ACADM: variants seen among roughly 807,000 people sequenced by gnomAD.
The protein encoded by ACADM is medium-chain specific acyl-CoA dehydrogenase, mitochondrial.
In ACADM, 49 loss-of-function variants were observed where a neutral mutation model predicts 58.9. That is an observed-to-expected ratio of 0.83 (90% confidence interval 0.66 to 1.06). The LOEUF (loss-of-function observed/expected upper bound fraction) is 1.06. Among genes scored for constraint, ACADM ranks in the 50% least tolerant of loss-of-function variants. The probability of loss-of-function intolerance (pLI) is 0.00; values close to 1 mark genes in which losing one functional copy is unlikely to be tolerated. For synonymous variants in ACADM, 160 were observed against 157.7 expected, an observed-to-expected ratio of 1.01 and a Z score of -0.11; for missense variants, 496 against 507.0, an observed-to-expected ratio of 0.98 and a Z score of 0.21.
chr1:75,761,429 C>T lies in ACADM; in HGVS notation c.1194+59C>T, dbSNP rs769054265. ...GAGAGAGAATATTCATAAATGACAA[C>T]GTGGATTTCTGATTATTTAGAAATT... On this transcript the variant is annotated intron_variant, in intron 11 of 11. Coordinates refer to ENST00000370841, the MANE Select transcript of ACADM (RefSeq NM_000016.6). 2.5e-4 allele frequency: 386 copies of T among 1,574,608 alleles called. 1 individual carries two copies. Among genetic ancestry groups the T allele is most frequent in the East Asian group, 6.9e-4 (31 of 44,650 alleles).
chr1:75,742,538 C>G (rs1647637912), intron 7 of ACADM, among the ~76,000 whole-genome samples: 1 of 152,168 alleles, frequency 6.6e-6, no homozygotes, highest in Non-Finnish European at 1.5e-5. Context: ...AGGAGACCTC[C>G]CTTCCCTAAT....
At chr1:75,735,567 T>C (rs1328733811) in intron 6 of ACADM, among the ~76,000 whole-genome samples, 1 of 151,974 alleles carries the variant, frequency 6.6e-6, no homozygotes, top group East Asian at 1.9e-4. Flanking sequence ...AAAAAATTAA[T>C]GTTGGCTGGT....
chr1:75,747,621 AC>A (rs1647970273), intron 8 of ACADM, among the ~76,000 whole-genome samples: 1 of 152,166 alleles, frequency 6.6e-6, no homozygotes, highest in South Asian at 2.1e-4. Flanking sequence ...CTTTACCTCT[AC>A]AAAAAAATTT....
Position 75,762,946 on chromosome 1 carries a change from G to GT in ACADM, c.*188dup, listed in dbSNP as rs1648935542. The GT allele has an allele frequency of 2.1e-6, 1 of 474,916 alleles. No individual in the cohort carries two copies. 29.4% of individuals were successfully genotyped at this position (474,916 alleles called of 1,614,324 possible). A position where few individuals can be genotyped will look rare whatever the true frequency, so the allele number is the denominator to read the frequency against. ...CTGTTATGTCTCTTAAGCAGGTTTGGTTTTTATTAAAATGATGTGTTTTCT... is the reference window on the plus strand; with the variant it reads ...CTGTTATGTCTCTTAAGCAGGTTTGGTTTTTTATTAAAATGATGTGTTTTCT... On this transcript the variant is annotated 3_prime_UTR_variant, in exon 12 of 12. Coordinates refer to ENST00000370841, the MANE Select transcript of ACADM (RefSeq NM_000016.6).
intron 10 of ACADM, among the ~76,000 whole-genome samples, chr1:75,757,059 A>C (rs1213153481): frequency 6.6e-6 from 1 of 152,202 alleles, no homozygotes; most frequent in African/African-American, 2.4e-5. Flanking sequence ...AAATTAATTC[A>C]AGATGGATTA....
chr1:75,761,200 T>C lies in ACADM; in HGVS notation c.1024T>C (p.Trp342Arg). ...TAGAATGAGTTACCAGAGAGCAGCT[T>C]GGGAGGTTGATTCTGGTCGTCGAAA... Reference protein sequence around the residue: ...LARMSYQRAAWEVDSGRRNTY... With the variant: ...LARMSYQRAAREVDSGRRNTY... The change falls in exon 11 of 12, where the codon TGG (tryptophan) becomes CGG (arginine). Residue 342 changes from tryptophan (W) to arginine (R), a missense_variant. Physicochemically the swap from Trp to Arg is moderately radical, Grantham distance 101. Transcript: ENST00000370841. 6.2e-7 allele frequency: 1 copy of C among 1,614,148 alleles called. No homozygotes were observed. Among genetic ancestry groups the C allele is most frequent in the East Asian group, 2.2e-5 (1 of 44,874 alleles).
At position 75,751,154 on chromosome 1, in the gene ACADM, A is replaced by G. The variant is rs538050598; in HGVS notation, c.945+608A>G. Among the ~76,000 whole-genome samples, 159 of 150,578 alleles carry G rather than the reference A, an allele frequency of 1.1e-3. 1 individual carries two copies. Among genetic ancestry groups the G allele is most frequent in the African/African-American group, 3.3e-3 (135 of 41,296 alleles). ...CAGGAGATCAAGACCATCCTGGCTA[A>G]CACGGTGAAACCCCGTCTCTACTAA... On this transcript the variant is annotated intron_variant, in intron 10 of 11. Transcript: ENST00000370841.
intron 8 of ACADM, among the ~76,000 whole-genome samples, chr1:75,747,497 G>A (rs1647964134): frequency 6.6e-6 from 1 of 152,130 alleles, no homozygotes; most frequent in South Asian, 2.1e-4. Context: ...GAAATTTAAT[G>A]TTTTCAGGCC....
intron 9 of ACADM, 140 bp downstream of exon 9, chr1:75,749,699 GT>G: frequency 1.9e-6 from 1 of 532,164 alleles, no homozygotes; most frequent in Non-Finnish European, 3.0e-6. Context: ...GAAAAATACT[GT>G]TACTTTTCTT....
rs758973773 is a variant in ACADM, at chr1:75,761,266, A to G, written c.1090A>G (p.Ile364Val). Residue 364 changes from isoleucine (I) to valine (V), a missense_variant, in exon 11 of 12, where the codon ATT (isoleucine) becomes GTT (valine). Physicochemically the swap from Ile to Val is conservative, Grantham distance 29 (BLOSUM62 3). Transcript: ENST00000370841. ...ASIAKAFAGD[I>V]ANQLATDAVQ... ...TATTGCAAAGGCATTTGCTGGAGAT[A>G]TTGCAAATCAGTTAGCTACTGATGC... The G allele has an allele frequency of 1.5e-5, 25 of 1,614,032 alleles. No homozygotes were observed. The highest frequency in any genetic ancestry group is 2.1e-5 in the Non-Finnish European group (25 of 1,179,988).
rs530330837 is a variant in ACADM at position 75,727,792 on chromosome 1, C to T, written c.31-609C>T. On this transcript the variant is annotated intron_variant, in intron 1 of 11. Transcript: ENST00000370841. The stretch of plus-strand genomic sequence containing the variant: ...GATCTGCTGTGAAAGCGGCAATAGA[C>T]AGCATGATGTGGCTGCACTGGTTTG... Among the ~76,000 whole-genome samples, 21 of 152,270 alleles carry T rather than the reference C, an allele frequency of 1.4e-4. No individual in the cohort carries two copies. The South Asian group carries it at 3.7e-3, about 27-fold the overall frequency.
intron 9 of ACADM, 86 bp from the exon 10 acceptor site, chr1:75,750,365 A>T: frequency 9.0e-7 from 1 of 1,116,658 alleles, no homozygotes; most frequent in Non-Finnish European, 1.3e-6. Context: ...TTCTCTTTGT[A>T]CACTCCCTAA....
At chr1:75,760,299 A>G (rs1648757443) in intron 10 of ACADM, among the ~76,000 whole-genome samples, 1 of 145,214 alleles carries the variant, frequency 6.9e-6, no homozygotes, top group Non-Finnish European at 1.5e-5. Flanking sequence ...GTGTGGTGGC[A>G]CACGCCCAGC....
chr1:75,725,988 C>G (rs1367982844), intron 1 of ACADM, among the ~76,000 whole-genome samples: 1 of 152,210 alleles, frequency 6.6e-6, no homozygotes, highest in African/African-American at 2.4e-5. Flanking sequence ...AATTAACTGG[C>G]TAACTTTGTT....
chr1:75,756,529 G>A (rs1210834151), intron 10 of ACADM, among the ~76,000 whole-genome samples: 1 of 152,146 alleles, frequency 6.6e-6, no homozygotes, highest in Non-Finnish European at 1.5e-5. Flanking sequence ...TCTTCAAGGA[G>A]AACCACAAAC....
intron 7 of ACADM, chr1:75,744,091 C>T (rs1647745114): frequency 3.8e-6 from 6 of 1,588,594 alleles, no homozygotes; most frequent in Non-Finnish European, 8.6e-7. Context: ...ACTGCCGCAT[C>T]CTGTTCATTT....
intron 7 of ACADM, among the ~76,000 whole-genome samples, chr1:75,742,074 C>T (rs1340210521): frequency 6.6e-6 from 1 of 152,106 alleles, no homozygotes; most frequent in African/African-American, 2.4e-5. Context: ...TCTTTAAATA[C>T]TTTAGTTACA....
intron 7 of ACADM, among the ~76,000 whole-genome samples, chr1:75,741,909 G>A (rs1647590265): frequency 6.6e-6 from 1 of 152,136 alleles, no homozygotes; most frequent in South Asian, 2.1e-4. Context: ...AAATTCTTCT[G>A]TAGGAAAAAA....
At chr1:75,751,050 T>C (rs1388482154) in intron 10 of ACADM, among the ~76,000 whole-genome samples, 1 of 150,796 alleles carries the variant, frequency 6.6e-6, no homozygotes, top group Non-Finnish European at 1.5e-5. Context: ...GCATTTTAAA[T>C]ATATTTTCTA....
Sources: allele counts gnomAD v4.1 joint callset (sites outside exome capture counted in the v4.1 genomes callset), GRCh38; gene constraint gnomAD v4.1.1; transcripts MANE v1.5; gene names NCBI Gene and HGNC (gene_info 2026-07-23, HGNC 2026-07-21).